The following DOCK10 variants were observed in gnomAD, a reference collection of about 807,000 sequenced individuals.
The protein encoded by DOCK10 is dedicator of cytokinesis 10.
In DOCK10, 145 loss-of-function variants were observed where a neutral mutation model predicts 280.1. The observed-to-expected ratio is 0.52, with a 90% CI of 0.45 to 0.59. DOCK10 has a LOEUF of 0.59. Among genes scored for constraint, DOCK10 ranks in the 20% least tolerant of loss-of-function variants. The probability of loss-of-function intolerance (pLI) is 0.00; values close to 1 mark genes in which losing one functional copy is unlikely to be tolerated. For missense variants in DOCK10, 2,368 were observed against 2,651.7 expected (o/e 0.89, Z 2.35); for synonymous variants, 915 against 942.2 (o/e 0.97, Z 0.53).
intron 1 of DOCK10, among the ~76,000 whole-genome samples, chr2:225,029,100 C>G: frequency 6.6e-6 from 1 of 152,192 alleles, no homozygotes; most frequent in East Asian, 1.9e-4. Flanking sequence ...CCTCCCGTGG[C>G]ATTGCTCTGT....
chr2:224,867,199 G>A (rs1348518641), intron 11 of DOCK10, among the ~76,000 whole-genome samples: 1 of 152,074 alleles, frequency 6.6e-6, no homozygotes, highest in Non-Finnish European at 1.5e-5. Flanking sequence ...ACACTCAAGG[G>A]TTCATTCTAG....
Position 224,970,200 on chromosome 2 carries a change from A to G in DOCK10, c.124-38532T>C, listed in dbSNP as rs1325815090. Among the ~76,000 whole-genome samples, 2 of 152,188 alleles carry G rather than the reference A, an allele frequency of 1.3e-5. No individual in the cohort carries two copies. The highest frequency in any genetic ancestry group is 4.8e-5 in the African/African-American group (2 of 41,456). ...CAGTATGTTTCTACTTGTAGAAGTA[A>G]TTACTTAAATTTCTATGATGCAGGT... On this transcript the variant is annotated intron_variant, in intron 1 of 55. Coordinates refer to ENST00000258390, the MANE Select transcript of DOCK10 (RefSeq NM_014689.3). This position sits in a 1 kb window ranked among gnomAD's most constrained non-coding sequence, Gnocchi z 4.6.
At chr2:225,035,310 G>C (rs1690190006) in intron 1 of DOCK10, among the ~76,000 whole-genome samples, 1 of 151,834 alleles carries the variant, frequency 6.6e-6, no homozygotes, top group Non-Finnish European at 1.5e-5. Flanking sequence ...CCACATTATA[G>C]CATATGGGGA....
At chr2:225,039,914 T>C (rs936704410) in intron 1 of DOCK10, among the ~76,000 whole-genome samples, 1 of 152,018 alleles carries the variant, frequency 6.6e-6, no homozygotes, top group Non-Finnish European at 1.5e-5. Context: ...CAGGAGTTTC[T>C]AGTCTCTTTC....
At chr2:224,845,749 C>G in intron 19 of DOCK10, 107 bp from the exon 20 acceptor site, 1 of 1,066,624 alleles carries the variant, frequency 9.4e-7, no homozygotes, top group Non-Finnish European at 1.3e-6. Flanking sequence ...TTTGAGACTG[C>G]GTCTTACTCT....
intron 27 of DOCK10, among the ~76,000 whole-genome samples, chr2:224,829,906 C>T (rs952013257): frequency 6.6e-6 from 1 of 152,190 alleles, no homozygotes; most frequent in African/African-American, 2.4e-5. Flanking sequence ...CCCATGGGAA[C>T]TGCAGGGAAG....
intron 1 of DOCK10, among the ~76,000 whole-genome samples, chr2:224,994,090 T>C (rs6753842): frequency 0.12 from 18,899 of 152,080 alleles, 2,395 homozygotes; most frequent in African/African-American, 0.33. Context: ...ACATATTATA[T>C]CGCTTTGTAA....
chr2:224,836,958 C>T (rs963545125), intron 25 of DOCK10, among the ~76,000 whole-genome samples: 7 of 151,880 alleles, frequency 4.6e-5, no homozygotes, highest in African/African-American at 1.7e-4. Context: ...TCTGTGCATA[C>T]ATATTAAGAG....
chr2:224,863,577 C>T (rs1697672838), intron 13 of DOCK10, among the ~76,000 whole-genome samples: 2 of 152,086 alleles, frequency 1.3e-5, no homozygotes, highest in South Asian at 2.1e-4. Flanking sequence ...CTCAGCCTCC[C>T]GAGTAGCTGG....
chr2:225,020,599 A>G (rs1485090468), intron 1 of DOCK10, among the ~76,000 whole-genome samples: 1 of 152,242 alleles, frequency 6.6e-6, no homozygotes, highest in African/African-American at 2.4e-5. Context: ...AGAGGTAGCT[A>G]TTTTAAGATT....
Position 225,028,737 on chromosome 2 carries a change from A to C in DOCK10, c.123+13515T>G, listed in dbSNP as rs150405397. ...TAATGTCAGCTTACGAAAACAGCTC[A>C]GGCCCAGGGGCACAAGTGGGCCTTT... On this transcript the variant is annotated intron_variant, in intron 1 of 55. Transcript: ENST00000258390. 1.1e-4 allele frequency among the ~76,000 whole-genome samples: 17 copies of C among 152,332 alleles called. No individual in the cohort carries two copies. In the East Asian group the frequency reaches 2.7e-3, roughly 24 times the overall value.
At chr2:224,914,439 T>G (rs569177769) in intron 3 of DOCK10, among the ~76,000 whole-genome samples, 4 of 152,160 alleles carry the variant, frequency 2.6e-5, no homozygotes, top group Non-Finnish European at 4.4e-5. Context: ...ATTAAGGTAA[T>G]AATACAACTT....
At chr2:224,858,738 G>A (rs1261592982) in intron 14 of DOCK10, among the ~76,000 whole-genome samples, 1 of 152,172 alleles carries the variant, frequency 6.6e-6, no homozygotes, top group African/African-American at 2.4e-5. Context: ...CTGGAACGCT[G>A]TGCCTAGTTC....
Position 224,981,733 on chromosome 2 carries a change from A to T in DOCK10, c.124-50065T>A, listed in dbSNP as rs115710966. On this transcript the variant is annotated intron_variant, in intron 1 of 55. Coordinates refer to ENST00000258390, the MANE Select transcript of DOCK10 (RefSeq NM_014689.3). ...TGTGCCTAAGTTAGGCATTCTGGAA[A>T]GGCATTTCCTTTGCAGAGTCAGAAA... is the stretch of plus-strand genomic sequence containing the variant. Among the ~76,000 whole-genome samples, 1,157 of 152,320 alleles carry T rather than the reference A, an allele frequency of 7.6e-3. 14 individuals carry two copies. Among genetic ancestry groups the T allele is most frequent in the African/African-American group, 0.024 (1,017 of 41,584 alleles).
chr2:224,873,515 C>T lies in DOCK10; in HGVS notation c.1257+481G>A, dbSNP rs192915583. The stretch of plus-strand genomic sequence containing the variant: ...AGGATCGCTTGAGCCCTGGAAGCTG[C>T]GGCTGCACTGAGCTGAGGCTGCAGT... On this transcript the variant is annotated intron_variant, in intron 11 of 55. Coordinates refer to ENST00000258390, the MANE Select transcript of DOCK10 (RefSeq NM_014689.3). Among the ~76,000 whole-genome samples the T allele has an allele frequency of 4.3e-5, 6 of 140,500 alleles. No individual in the cohort carries two copies. The East Asian group carries it at 9.4e-4, about 22-fold the overall frequency. The allele number at this position is 140,500 out of a possible 152,430, so 92.2% of individuals were successfully genotyped here.
intron 3 of DOCK10, among the ~76,000 whole-genome samples, chr2:224,913,096 G>A (rs1436312065): frequency 6.6e-6 from 1 of 151,836 alleles, no homozygotes; most frequent in East Asian, 1.9e-4. Flanking sequence ...TTTTTTATTT[G>A]TTTTATATTA....
At chr2:224,769,284 C>G (rs1349578077) in intron 55 of DOCK10, among the ~76,000 whole-genome samples, 1 of 152,178 alleles carries the variant, frequency 6.6e-6, no homozygotes, top group African/African-American at 2.4e-5. Flanking sequence ...GATGGAAAAA[C>G]CGAAAAGAAG....
Position 224,805,578 on chromosome 2 carries a change from C to T in DOCK10, c.3815-49G>A, listed in dbSNP as rs770156033. 23 of 1,606,098 alleles carry T rather than the reference C, an allele frequency of 1.4e-5. No homozygotes were observed. The highest frequency in any genetic ancestry group is 1.8e-4 in the Middle Eastern group (1 of 5,670). On this transcript the variant is annotated intron_variant, in intron 34 of 55. Transcript: ENST00000258390. The surrounding 1 kb of genome is among the most constrained non-coding windows in gnomAD (Gnocchi z 4.3). ...CGTATGGGAATGAGATGTATGGGCA[C>T]ACACACACAAAAGGTTCACATGATG... is the stretch of plus-strand genomic sequence containing the variant.
chr2:225,001,687 G>A (rs1451011242), intron 1 of DOCK10, among the ~76,000 whole-genome samples: 1 of 152,120 alleles, frequency 6.6e-6, no homozygotes, highest in Non-Finnish European at 1.5e-5. Flanking sequence ...CCATAACCTG[G>A]GTGGTTTATA....
Sources: allele counts gnomAD v4.1 joint callset (sites outside exome capture counted in the v4.1 genomes callset), GRCh38; gene constraint gnomAD v4.1.1; non-coding constraint Gnocchi (gnomAD v3.1); transcripts MANE v1.5; gene names NCBI Gene and HGNC (gene_info 2026-07-23, HGNC 2026-07-21).